ESRRG: variants seen among roughly 807,000 people sequenced by gnomAD.
ESRRG encodes estrogen related receptor gamma.
In ESRRG, 13 loss-of-function variants were observed where a neutral mutation model predicts 44.0. That is an observed-to-expected ratio of 0.30 (90% CI 0.19 to 0.47). The LOEUF is 0.47. Ranked by LOEUF, ESRRG falls within the 20% of genes least tolerant of loss-of-function variation. ESRRG has a pLI of 1.00. For synonymous variants in ESRRG, 215 were observed against 214.6 expected (o/e 1.00, Z -0.02); for missense variants, 395 against 580.6 (o/e 0.68, Z 3.29).
At chr1:217,082,417 A>G (rs2091826899) in intron 1 of ESRRG, among the ~76,000 whole-genome samples, 1 of 152,218 alleles carries the variant, frequency 6.6e-6, no homozygotes, top group East Asian at 1.9e-4. Flanking sequence ...TCACATTTTT[A>G]TAATTATAAA....
intron 5 of ESRRG, among the ~76,000 whole-genome samples, chr1:216,526,430 A>T (rs1323257276): frequency 6.6e-6 from 1 of 152,064 alleles, no homozygotes; most frequent in East Asian, 1.9e-4. Context: ...GGAGAATACT[A>T]CCTACAAGCC....
At chr1:216,851,968 A>G (rs2095849733) in intron 2 of ESRRG, among the ~76,000 whole-genome samples, 1 of 152,236 alleles carries the variant, frequency 6.6e-6, no homozygotes, top group Non-Finnish European at 1.5e-5. Context: ...AAGAGAATTC[A>G]AAACTTTGAC....
chr1:217,087,820 G>A (rs1348828069), intron 1 of ESRRG, among the ~76,000 whole-genome samples: 1 of 152,166 alleles, frequency 6.6e-6, no homozygotes, highest in African/African-American at 2.4e-5. Flanking sequence ...ACGCTTAAAT[G>A]ATCATCCAGG....
chr1:216,856,669 G>A (rs1051628892), intron 2 of ESRRG, among the ~76,000 whole-genome samples: 2 of 152,160 alleles, frequency 1.3e-5, no homozygotes, highest in African/African-American at 2.4e-5. Flanking sequence ...TGCAATTATT[G>A]ACGAAGAGTA....
At chr1:217,044,985 G>C (rs1284523198) in intron 1 of ESRRG, among the ~76,000 whole-genome samples, 1 of 152,150 alleles carries the variant, frequency 6.6e-6, no homozygotes, top group African/African-American at 2.4e-5. Flanking sequence ...TCAGCATAAA[G>C]AGAAATGAGC....
chr1:217,135,963 G>A (rs1479330834), intron 1 of ESRRG, among the ~76,000 whole-genome samples: 2 of 152,068 alleles, frequency 1.3e-5, no homozygotes, highest in East Asian at 3.9e-4. Flanking sequence ...CCCCTTTGCA[G>A]TAGTTGTGAG....
chr1:217,026,912 C>CACACAGAGAGAGAGAG (rs1255637839), intron 1 of ESRRG, among the ~76,000 whole-genome samples: 5 of 93,470 alleles, frequency 5.3e-5, no homozygotes, highest in African/African-American at 2.0e-4. Context: ...CACACACACA[C>CACACAGAGAGAGAGAG]AGAGAGAGAG....
intron 2 of ESRRG, among the ~76,000 whole-genome samples, chr1:216,656,789 T>C (rs1357272607): frequency 6.6e-6 from 1 of 152,204 alleles, no homozygotes; most frequent in African/African-American, 2.4e-5. Flanking sequence ...ACAGACATCA[T>C]AATTGTAAAG....
At chr1:216,883,265 A>T (rs1381968489) in intron 2 of ESRRG, among the ~76,000 whole-genome samples, 1 of 151,838 alleles carries the variant, frequency 6.6e-6, no homozygotes, top group Non-Finnish European at 1.5e-5. Context: ...AGGTGCCTTA[A>T]TTCCAGCTAG....
At chr1:216,961,701 G>T (rs1393007349) in intron 1 of ESRRG, among the ~76,000 whole-genome samples, 3 of 151,896 alleles carry the variant, frequency 2.0e-5, no homozygotes, top group African/African-American at 2.4e-5. Context: ...TTAAACAAAG[G>T]CTACTAACTA....
intron 1 of ESRRG, among the ~76,000 whole-genome samples, chr1:217,081,698 C>A (rs534014088): frequency 1.3e-5 from 2 of 152,212 alleles, no homozygotes; most frequent in African/African-American, 4.8e-5. Context: ...CAAGCCTTAC[C>A]CTCCCAAGTA....
intron 2 of ESRRG, among the ~76,000 whole-genome samples, chr1:216,830,107 G>T (rs2095463843): frequency 6.6e-6 from 1 of 152,104 alleles, no homozygotes; most frequent in African/African-American, 2.4e-5. Flanking sequence ...GGCCTACAAT[G>T]CATTCATTGC....
At chr1:216,843,878 T>G (rs1027013475) in intron 2 of ESRRG, among the ~76,000 whole-genome samples, 1 of 152,148 alleles carries the variant, frequency 6.6e-6, no homozygotes, top group African/African-American at 2.4e-5. Flanking sequence ...CCTTTTTTTT[T>G]TTTTGTTTCC....
intron 3 of ESRRG, among the ~76,000 whole-genome samples, chr1:216,605,212 C>T (rs947754300): frequency 2.0e-5 from 3 of 152,068 alleles, no homozygotes; most frequent in East Asian, 3.9e-4. Flanking sequence ...AGTACTATGG[C>T]GTGTGAACCA....
chr1:216,571,436 G>A (rs770403165), intron 3 of ESRRG, among the ~76,000 whole-genome samples: 34 of 151,918 alleles, frequency 2.2e-4, no homozygotes, highest in African/African-American at 6.3e-4. Flanking sequence ...AGAGTGAAAC[G>A]CCATCTCAAA....
intron 2 of ESRRG, among the ~76,000 whole-genome samples, chr1:216,802,654 C>T (rs368189495): frequency 1.3e-5 from 2 of 152,090 alleles, no homozygotes. Context: ...GGTGACACAT[C>T]CATGAATTCT....
chr1:216,704,099 A>T (rs1484190510), intron 1 of ESRRG, among the ~76,000 whole-genome samples: 1 of 152,192 alleles, frequency 6.6e-6, no homozygotes, highest in African/African-American at 2.4e-5. Context: ...TCCGTTCCCC[A>T]TATAGACCTT....
chr1:216,707,160 C>G (rs1344835287), intron 1 of ESRRG, among the ~76,000 whole-genome samples: 1 of 152,186 alleles, frequency 6.6e-6, no homozygotes, highest in Non-Finnish European at 1.5e-5. Flanking sequence ...CATAAACCTT[C>G]TAGAGTTCAA....
intron 2 of ESRRG, among the ~76,000 whole-genome samples, chr1:216,764,347 GCAA>G (rs2092959300): frequency 6.6e-6 from 1 of 151,452 alleles, no homozygotes; most frequent in South Asian, 2.1e-4. Context: ...TCAGCTCACT[GCAA>G]CCTCTGCCTC....
Sources: allele counts gnomAD v4.1 joint callset (sites outside exome capture counted in the v4.1 genomes callset), GRCh38; gene constraint gnomAD v4.1.1; transcripts MANE v1.5; gene names NCBI Gene and HGNC (gene_info 2026-07-23, HGNC 2026-07-21).